The following ENOX1 variants were observed in gnomAD, a reference collection of about 807,000 sequenced individuals.
The protein encoded by ENOX1 is ecto-NOX disulfide-thiol exchanger 1, also known as candidate growth-related and time keeping constitutive hydroquinone (NADH) oxidase.
In ENOX1, 42 loss-of-function variants were observed where a neutral mutation model predicts 82.5. That is an observed-to-expected ratio of 0.51 (90% confidence interval 0.40 to 0.66). The LOEUF (loss-of-function observed/expected upper bound fraction) is 0.66, where lower values mean the gene tolerates loss of function less well. Ranked by LOEUF, ENOX1 falls within the 30% of genes least tolerant of loss-of-function variation. The probability of loss-of-function intolerance (pLI) is 0.00; values close to 1 mark genes in which losing one functional copy is unlikely to be tolerated. For synonymous variants in ENOX1, 271 were observed against 282.2 expected (o/e 0.96, Z 0.40); for missense variants, 608 against 811.6 (o/e 0.75, Z 3.05).
intron 2 of ENOX1, among the ~76,000 whole-genome samples, chr13:43,654,514 A>G (rs1012820653): frequency 2.6e-5 from 4 of 152,142 alleles, no homozygotes; most frequent in Non-Finnish European, 5.9e-5. Flanking sequence ...TAGAACTAAA[A>G]AAGTGCTCAG....
intron 2 of ENOX1, among the ~76,000 whole-genome samples, chr13:43,627,035 T>C (rs2082994568): frequency 6.6e-6 from 1 of 152,020 alleles, no homozygotes; most frequent in Non-Finnish European, 1.5e-5. Context: ...CATCATTATA[T>C]TATGTCCAGC....
intron 1 of ENOX1, among the ~76,000 whole-genome samples, chr13:43,718,017 C>G (rs117071761): frequency 6.6e-6 from 1 of 152,164 alleles, no homozygotes; most frequent in South Asian, 2.1e-4. Context: ...TTTGAGCTAG[C>G]AACTCACTAC....
intron 11 of ENOX1, among the ~76,000 whole-genome samples, chr13:43,310,522 C>T (rs114489341): frequency 0.017 from 2,577 of 152,184 alleles, 55 homozygotes; most frequent in African/African-American, 0.058. Context: ...TTTTATTGAA[C>T]ATGAGAGGGA....
At chr13:43,418,815 A>G (rs1455418957) in intron 3 of ENOX1, among the ~76,000 whole-genome samples, 1 of 152,258 alleles carries the variant, frequency 6.6e-6, no homozygotes, top group East Asian at 1.9e-4. Context: ...TACCAATTTC[A>G]TAACTGTTCA....
intron 2 of ENOX1, among the ~76,000 whole-genome samples, chr13:43,530,450 G>A (rs1023034430): frequency 6.6e-6 from 1 of 152,080 alleles, no homozygotes; most frequent in Admixed American, 6.6e-5. Context: ...GTGGTACTAA[G>A]AAATGAAAAT....
At chr13:43,418,382 G>T (rs936644175) in intron 3 of ENOX1, among the ~76,000 whole-genome samples, 1 of 152,066 alleles carries the variant, frequency 6.6e-6, no homozygotes, top group African/African-American at 2.4e-5. Context: ...ATAAAAATTA[G>T]CTGGGTGTGG....
At position 43,723,772 on chromosome 13, in the gene ENOX1, T is replaced by TACAC. The variant is rs147314757; in HGVS notation, c.-284-56232_-284-56229dup. Among the ~76,000 whole-genome samples, 1,454 of 149,284 alleles carry TACAC rather than the reference T, an allele frequency of 9.7e-3. 27 individuals carry two copies. Among genetic ancestry groups the TACAC allele is most frequent in the African/African-American group, 0.034 (1,367 of 40,778 alleles). ...AACCATCTATACAAATGCCTGAATC[T>TACAC]ACACACACACACACACACACATACA... On this transcript the variant is annotated intron_variant, in intron 1 of 16. Transcript: ENST00000690772.
At chr13:43,369,113 T>C (rs912890576) in intron 5 of ENOX1, among the ~76,000 whole-genome samples, 1 of 152,192 alleles carries the variant, frequency 6.6e-6, no homozygotes, top group East Asian at 1.9e-4. Context: ...GTTAAATCCA[T>C]TGTCTTTATT....
rs547681052 is a variant in ENOX1 at position 43,263,822 on chromosome 13, G to A, written c.1611+1576C>T. Among the ~76,000 whole-genome samples, 11 of 152,368 alleles carry A rather than the reference G, an allele frequency of 7.2e-5. No individual in the cohort carries two copies. The East Asian group carries it at 2.1e-3, about 29-fold the overall frequency. On this transcript the variant is annotated intron_variant, in intron 14 of 16. Transcript: ENST00000690772. The stretch of plus-strand genomic sequence containing the variant: ...CCTGGAAGCCACAGAGGGACTGGCT[G>A]TGTGTGGAGTGGATATGAAGGTTTT...
chr13:43,630,565 A>T (rs2083161856), intron 2 of ENOX1, among the ~76,000 whole-genome samples: 1 of 152,174 alleles, frequency 6.6e-6, no homozygotes, highest in Admixed American at 6.6e-5. Flanking sequence ...TACTACAAAG[A>T]AACATATACA....
intron 1 of ENOX1, among the ~76,000 whole-genome samples, chr13:43,718,676 C>CAAAAAAAAAAA (rs61671392): frequency 3.8e-4 from 21 of 55,590 alleles, no homozygotes; most frequent in African/African-American, 1.3e-3. Flanking sequence ...GACTCCGTCT[C>CAAAAAAAAAAA]AAAAAAAAAA....
chr13:43,460,719 G>A (rs985758450), intron 3 of ENOX1, among the ~76,000 whole-genome samples: 7 of 148,864 alleles, frequency 4.7e-5, no homozygotes, highest in African/African-American at 7.6e-5. Context: ...GCGTGAACCC[G>A]GGAAGCGGAG....
At chr13:43,408,008 T>C (rs2053901795) in intron 5 of ENOX1, among the ~76,000 whole-genome samples, 1 of 152,166 alleles carries the variant, frequency 6.6e-6, no homozygotes, top group Non-Finnish European at 1.5e-5. Flanking sequence ...AACTGTGTAA[T>C]GGTATATTTG....
chr13:43,778,206 G>A (rs1214944225), intron 1 of ENOX1, among the ~76,000 whole-genome samples: 1 of 152,222 alleles, frequency 6.6e-6, no homozygotes, highest in African/African-American at 2.4e-5. Flanking sequence ...TTAGAAGCCT[G>A]CCTTATCTTA....
At chr13:43,744,849 C>T (rs947586788) in intron 1 of ENOX1, among the ~76,000 whole-genome samples, 2 of 152,222 alleles carry the variant, frequency 1.3e-5, no homozygotes, top group Non-Finnish European at 2.9e-5. Context: ...TGGTGCTGAA[C>T]TGCCTAAATA....
At chr13:43,324,887 T>C (rs2048020574) in intron 10 of ENOX1, among the ~76,000 whole-genome samples, 1 of 152,226 alleles carries the variant, frequency 6.6e-6, no homozygotes, top group Admixed American at 6.5e-5. Context: ...TGACATTTGC[T>C]GACACTCACA....
intron 1 of ENOX1, among the ~76,000 whole-genome samples, chr13:43,688,132 C>T (rs183729637): frequency 2.7e-4 from 41 of 152,016 alleles, no homozygotes; most frequent in African/African-American, 7.2e-4. Flanking sequence ...CATTTGGATC[C>T]GAGTTTTGGG....
chr13:43,247,144 C>T (rs886528963), intron 14 of ENOX1, among the ~76,000 whole-genome samples: 2 of 151,954 alleles, frequency 1.3e-5, no homozygotes, highest in Admixed American at 6.6e-5. Context: ...GTTGAAACCC[C>T]GTCTCTACTA....
chr13:43,372,889 G>A (rs1221562012), intron 5 of ENOX1, among the ~76,000 whole-genome samples: 3 of 151,986 alleles, frequency 2.0e-5, no homozygotes, highest in Non-Finnish European at 4.4e-5. Flanking sequence ...GGGACCGTCC[G>A]AGTTCTAGTT....
Sources: allele counts gnomAD v4.1 joint callset (sites outside exome capture counted in the v4.1 genomes callset), GRCh38; gene constraint gnomAD v4.1.1; transcripts MANE v1.5; gene names NCBI Gene and HGNC (gene_info 2026-07-23, HGNC 2026-07-21).